The following MGAT4C variants were observed in gnomAD, a reference collection of about 807,000 sequenced individuals.
MGAT4C encodes the protein MGAT4 family member C.
In MGAT4C, 19 loss-of-function variants were observed where a neutral mutation model predicts 40.1. The ratio of observed to expected loss-of-function variants is 0.47; its 90% CI spans 0.33 to 0.70. The LOEUF (loss-of-function observed/expected upper bound fraction) is 0.70. Ranked by LOEUF, MGAT4C falls within the 30% of genes least tolerant of loss-of-function variation. The pLI, the probability that MGAT4C is intolerant of heterozygous loss-of-function variation, is 0.02. For missense variants in MGAT4C, 491 were observed against 563.2 expected, an observed-to-expected ratio of 0.87 and a Z score of 1.30; for synonymous variants, 181 against 187.1, an observed-to-expected ratio of 0.97 and a Z score of 0.27.
chr12:85,980,536 G>T, intron 4 of MGAT4C, 106 bp from the exon 5 acceptor site: 1 of 939,002 alleles, frequency 1.1e-6, no homozygotes, highest in African/African-American at 1.7e-5. Context: ...TACATATTAA[G>T]TAAATCTAGT....
At chr12:86,768,655 G>C (rs572939597) in intron 1 of MGAT4C, among the ~76,000 whole-genome samples, 186 of 151,960 alleles carry the variant, frequency 1.2e-3, no homozygotes, top group Non-Finnish European at 1.9e-3. Context: ...GCATGGTACT[G>C]GTACCAAAAC....
chr12:86,770,793 A>G (rs1307507013), intron 1 of MGAT4C, among the ~76,000 whole-genome samples: 3 of 152,106 alleles, frequency 2.0e-5, no homozygotes, highest in Non-Finnish European at 4.4e-5. Context: ...GGAAAAAATA[A>G]TAATTTTGGA....
intron 1 of MGAT4C, among the ~76,000 whole-genome samples, chr12:86,815,122 G>A (rs1257085603): frequency 6.6e-6 from 1 of 151,890 alleles, no homozygotes; most frequent in Non-Finnish European, 1.5e-5. Context: ...ACTTCCTCAA[G>A]AATCTACAAC....
intron 3 of MGAT4C, among the ~76,000 whole-genome samples, chr12:86,383,167 C>G (rs1955978597): frequency 6.6e-6 from 1 of 152,170 alleles, no homozygotes; most frequent in Admixed American, 6.5e-5. Context: ...AGAGGTAGAG[C>G]TGCCCAAGGC....
At chr12:86,735,215 G>A (rs1371856059) in intron 1 of MGAT4C, among the ~76,000 whole-genome samples, 1 of 151,474 alleles carries the variant, frequency 6.6e-6, no homozygotes, top group Non-Finnish European at 1.5e-5. Context: ...ATGCAAAAAT[G>A]AAGAGAAGCT....
At chr12:86,381,740 C>T (rs1456649132) in intron 3 of MGAT4C, among the ~76,000 whole-genome samples, 1 of 152,124 alleles carries the variant, frequency 6.6e-6, no homozygotes, top group African/African-American at 2.4e-5. Context: ...GGCTGTGTCC[C>T]CACCCAAATC....
intron 2 of MGAT4C, among the ~76,000 whole-genome samples, chr12:86,024,293 A>AT (rs139748543): frequency 0.091 from 13,730 of 150,620 alleles, 1,400 homozygotes; most frequent in African/African-American, 0.25. Flanking sequence ...CAATTAATAC[A>AT]TTTTTTTTTC....
intron 2 of MGAT4C, among the ~76,000 whole-genome samples, chr12:86,470,325 T>G (rs551238968): frequency 1.3e-5 from 2 of 152,222 alleles, no homozygotes; most frequent in East Asian, 3.9e-4. Flanking sequence ...CTCTCTTCCC[T>G]TTTTTTACTT....
At position 86,801,378 on chromosome 12, in the gene MGAT4C, T is replaced by A. The variant is rs926823749; in HGVS notation, c.-262+37288A>T. ...TGTGTGATTTTACCAATGTATGGAC[T>A]GAATCCCCAAGGACTCAGTGGAAGA... On this transcript the variant is annotated intron_variant, in intron 1 of 7. Transcript: ENST00000548651. Among the ~76,000 whole-genome samples the A allele has an allele frequency of 3.3e-5, 5 of 151,848 alleles. No homozygotes were observed. In the East Asian group the frequency reaches 9.7e-4, roughly 29 times the overall value.
chr12:86,809,594 T>A (rs2136214196), intron 1 of MGAT4C, among the ~76,000 whole-genome samples: 1 of 152,146 alleles, frequency 6.6e-6, no homozygotes, highest in African/African-American at 2.4e-5. Flanking sequence ...GCTGTAGTGA[T>A]ATTGTGGTTT....
chr12:86,776,420 T>A (rs1344761179), intron 1 of MGAT4C, among the ~76,000 whole-genome samples: 1 of 152,048 alleles, frequency 6.6e-6, no homozygotes, highest in East Asian at 1.9e-4. Context: ...ATGAGGTTAA[T>A]TGTAAGTTGA....
At chr12:86,707,287 G>A (rs1404474230) in intron 2 of MGAT4C, among the ~76,000 whole-genome samples, 1 of 152,124 alleles carries the variant, frequency 6.6e-6, no homozygotes, top group Non-Finnish European at 1.5e-5. Flanking sequence ...GGGAAAGTTT[G>A]GAACTTCCTA....
At chr12:86,249,748 C>T (rs953567154) in intron 1 of MGAT4C, among the ~76,000 whole-genome samples, 1 of 152,222 alleles carries the variant, frequency 6.6e-6, no homozygotes. Flanking sequence ...CTCATTTTGA[C>T]TTTGTTCTTA....
chr12:86,393,466 A>C, intron 3 of MGAT4C, among the ~76,000 whole-genome samples: 1 of 152,174 alleles, frequency 6.6e-6, no homozygotes, highest in East Asian at 1.9e-4. Flanking sequence ...GGAGAGACAA[A>C]ATTTTTTTTC....
chr12:86,751,551 A>C (rs917063426), intron 1 of MGAT4C, among the ~76,000 whole-genome samples: 4 of 152,030 alleles, frequency 2.6e-5, no homozygotes, highest in African/African-American at 4.8e-5. Flanking sequence ...CTCAAGACAG[A>C]CTAGCTTTGA....
chr12:86,573,949 G>C (rs1179564398), intron 2 of MGAT4C, among the ~76,000 whole-genome samples: 4 of 151,710 alleles, frequency 2.6e-5, no homozygotes, highest in Non-Finnish European at 5.9e-5. Flanking sequence ...ACTTGTCTTA[G>C]ATAAAACTCT....
intron 2 of MGAT4C, among the ~76,000 whole-genome samples, chr12:86,575,598 T>C (rs939080018): frequency 3.3e-5 from 5 of 151,858 alleles, no homozygotes; most frequent in Non-Finnish European, 7.4e-5. Flanking sequence ...TTTTCTGATT[T>C]ATTCATCTGT....
intron 1 of MGAT4C, among the ~76,000 whole-genome samples, chr12:86,132,495 A>G (rs1031452791): frequency 6.6e-6 from 1 of 152,162 alleles, no homozygotes; most frequent in African/African-American, 2.4e-5. Context: ...TAATTAAAAC[A>G]CAAGTGAAAA....
intron 2 of MGAT4C, among the ~76,000 whole-genome samples, chr12:86,473,444 T>C (rs1354125293): frequency 2.0e-5 from 3 of 152,214 alleles, no homozygotes; most frequent in Non-Finnish European, 2.9e-5. Flanking sequence ...TTATCACTGA[T>C]ACATATTTCC....
Sources: allele counts gnomAD v4.1 joint callset (sites outside exome capture counted in the v4.1 genomes callset), GRCh38; gene constraint gnomAD v4.1.1; transcripts MANE v1.5; gene names NCBI Gene and HGNC (gene_info 2026-07-23, HGNC 2026-07-21).